Variants in MTHFD2L observed in about 807,000 individuals in gnomAD.
MTHFD2L encodes bifunctional methylenetetrahydrofolate dehydrogenase/cyclohydrolase 2, mitochondrial.
In MTHFD2L, 29 loss-of-function variants were observed where a neutral mutation model predicts 34.9. The observed-to-expected ratio is 0.83, with a 90% CI of 0.62 to 1.13. The LOEUF (loss-of-function observed/expected upper bound fraction) is 1.13, where lower values mean the gene tolerates loss of function less well. Among genes scored for constraint, MTHFD2L ranks in the 50% most tolerant of loss-of-function variants. MTHFD2L has a pLI of 0.00. For missense variants in MTHFD2L, 481 were observed against 446.5 expected (o/e 1.08, Z -0.70); for synonymous variants, 167 against 155.7 (o/e 1.07, Z -0.54).
intron 3 of MTHFD2L, among the ~76,000 whole-genome samples, chr4:74,177,321 T>C (rs2109968756): frequency 6.6e-6 from 1 of 152,118 alleles, no homozygotes; most frequent in Middle Eastern, 3.4e-3. Flanking sequence ...TGGTACTGTA[T>C]TTATCAAGCA....
chr4:74,214,483 G>A (rs1736865029), intron 5 of MTHFD2L, among the ~76,000 whole-genome samples: 1 of 151,758 alleles, frequency 6.6e-6, no homozygotes, highest in Admixed American at 6.6e-5. Context: ...CAGGTCTGCT[G>A]GAGTTTGCTG....
At chr4:74,258,612 C>CAAAT (rs1744315958) in intron 6 of MTHFD2L, among the ~76,000 whole-genome samples, 1 of 151,932 alleles carries the variant, frequency 6.6e-6, no homozygotes, top group Non-Finnish European at 1.5e-5. Context: ...AGTTCTAGAA[C>CAAAT]AAATATCAGA....
chr4:74,118,245 C>T (rs1195582080), intron 2 of MTHFD2L, among the ~76,000 whole-genome samples: 1 of 152,116 alleles, frequency 6.6e-6, no homozygotes, highest in African/African-American at 2.4e-5. Flanking sequence ...GTCTAGTGAG[C>T]ACATTAATAC....
At chr4:74,174,286 A>G (rs1728593426) in intron 1 of MTHFD2L, among the ~76,000 whole-genome samples, 1 of 152,164 alleles carries the variant, frequency 6.6e-6, no homozygotes, top group African/African-American at 2.4e-5. Flanking sequence ...ATTTTATAGC[A>G]GATAGATTAT....
chr4:74,214,400 GA>G (rs1736846037), intron 5 of MTHFD2L, among the ~76,000 whole-genome samples: 1 of 151,670 alleles, frequency 6.6e-6, no homozygotes, highest in South Asian at 2.1e-4. Flanking sequence ...TTTTTGTGTG[GA>G]CGTCCTGTTT....
intron 5 of MTHFD2L, among the ~76,000 whole-genome samples, chr4:74,218,720 G>C (rs948863429): frequency 2.7e-5 from 4 of 150,240 alleles, no homozygotes; most frequent in African/African-American, 9.8e-5. Flanking sequence ...GCTTCAAATT[G>C]GCATTCTGTG....
intron 6 of MTHFD2L, among the ~76,000 whole-genome samples, chr4:74,231,886 T>C (rs1011825442): frequency 1.3e-5 from 2 of 152,180 alleles, no homozygotes; most frequent in East Asian, 3.9e-4. Context: ...TTATGTGTAA[T>C]ACCAAATAAA....
intron 3 of MTHFD2L, among the ~76,000 whole-genome samples, chr4:74,179,828 C>T (rs1033745753): frequency 4.6e-5 from 7 of 152,082 alleles, no homozygotes; most frequent in African/African-American, 1.7e-4. Context: ...GATTGGACTT[C>T]TGCATCATCT....
At chr4:74,263,131 ATG>A (rs146705039) in intron 6 of MTHFD2L, among the ~76,000 whole-genome samples, 3 of 151,448 alleles carry the variant, frequency 2.0e-5, no homozygotes, top group Non-Finnish European at 4.4e-5. Flanking sequence ...ATGTATATTT[ATG>A]TGTGTGTGTG....
chr4:74,200,118 C>T (rs1168483349), intron 4 of MTHFD2L, among the ~76,000 whole-genome samples, 172 bp downstream of exon 4: 1 of 152,016 alleles, frequency 6.6e-6, no homozygotes, highest in Admixed American at 6.5e-5. Flanking sequence ...TAATACAATC[C>T]TGGCTAACAC....
At chr4:74,209,024 AT>A (rs1250091419) in intron 5 of MTHFD2L, among the ~76,000 whole-genome samples, 1 of 152,020 alleles carries the variant, frequency 6.6e-6, no homozygotes, top group Non-Finnish European at 1.5e-5. Flanking sequence ...TTGCTTGACC[AT>A]TTGGAGTATG....
At chr4:74,183,317 G>A (rs1730543215) in intron 3 of MTHFD2L, 1 of 152,026 alleles carries the variant, frequency 6.6e-6, no homozygotes, top group Admixed American at 6.6e-5. Context: ...GACATGTGAG[G>A]AAGAGAGCTC....
chr4:74,236,738 A>G (rs1740897298), intron 6 of MTHFD2L, among the ~76,000 whole-genome samples: 1 of 152,224 alleles, frequency 6.6e-6, no homozygotes, highest in African/African-American at 2.4e-5. Context: ...TCAGTAGATG[A>G]TTAAAAATCA....
chr4:74,297,591 A>G (rs565756502), intron 7 of MTHFD2L, among the ~76,000 whole-genome samples: 3 of 152,182 alleles, frequency 2.0e-5, no homozygotes, highest in Admixed American at 1.3e-4. Context: ...TTCCCTACAC[A>G]TAATAGGATT....
chr4:74,173,675 G>A (rs1728461728), intron 1 of MTHFD2L, among the ~76,000 whole-genome samples: 1 of 152,160 alleles, frequency 6.6e-6, no homozygotes, highest in African/African-American at 2.4e-5. Context: ...TATACATAGT[G>A]GAGTCCAGTC....
In MTHFD2L at chr4:74,259,403, A is replaced by C. The variant is rs187310260; in HGVS notation, c.806-22022A>C. On this transcript the variant is annotated intron_variant, in intron 6 of 7. Transcript: ENST00000325278. ...CCAGAAGACAGAAGCTGGGAAGACC[A>C]GGGGATACCACCATTCATCCTCACT... 1.8e-4 allele frequency among the ~76,000 whole-genome samples: 27 copies of C among 152,256 alleles called. No individual in the cohort carries two copies. In the East Asian group the frequency reaches 4.6e-3, roughly 26 times the overall value.
At chr4:74,121,153 T>C (rs1721746747), upstream of MTHFD2L, among the ~76,000 whole-genome samples, 1 of 152,192 alleles carries the variant, frequency 6.6e-6, no homozygotes, top group South Asian at 2.1e-4. Flanking sequence ...AGTTTAAGCA[T>C]TATTTTCTAA....
At chr4:74,175,494 A>G in intron 3 of MTHFD2L, 91 bp downstream of exon 3, 1 of 1,300,836 alleles carries the variant, frequency 7.7e-7, no homozygotes, top group East Asian at 2.3e-5. Context: ...CAAGTAATTT[A>G]TAAAATACAT....
At chr4:74,230,019 G>C (rs1187750806) in intron 6 of MTHFD2L, among the ~76,000 whole-genome samples, 1 of 152,090 alleles carries the variant, frequency 6.6e-6, no homozygotes, top group African/African-American at 2.4e-5. Context: ...CAGTAAATGT[G>C]AGCTGTGTTG....
Sources: allele counts gnomAD v4.1 joint callset (sites outside exome capture counted in the v4.1 genomes callset), GRCh38; gene constraint gnomAD v4.1.1; transcripts MANE v1.5; gene names NCBI Gene and HGNC (gene_info 2026-07-23, HGNC 2026-07-21).